The following ZNF888 variants were observed in gnomAD, a reference collection of about 807,000 sequenced individuals.
The protein encoded by ZNF888 is zinc finger protein 888, also known as CTD-2331H12.6.
ZNF888 carries 5 observed loss-of-function variants against 7.2 expected under a neutral mutation model. The ratio of observed to expected loss-of-function variants is 0.70; its 90% confidence interval spans 0.36 to 1.46. The LOEUF is 1.46. ZNF888 is among the 40% of genes most tolerant of loss of function. ZNF888 has a pLI of 0.03. For missense variants in ZNF888, 716 were observed against 858.0 expected (o/e 0.83, Z 2.07); for synonymous variants, 240 against 284.3 (o/e 0.84, Z 1.57).
intron 1 of ZNF888, among the ~76,000 whole-genome samples, chr19:52,920,512 A>G (rs1434710499): frequency 9.4e-5 from 4 of 42,762 alleles, no homozygotes; most frequent in Non-Finnish European, 1.4e-4. Flanking sequence ...AAAAAAAAAA[A>G]AAAAGAAAAA....
At position 52,907,456 on chromosome 19, in the gene ZNF888, T is replaced by C. The variant is rs1303906298; in HGVS notation, c.866A>G (p.Tyr289Cys). ...AGGTTTTTCTCCAGTATGACGTCTA[T>C]AATGACGTGCAAGGTATGCTTTTTT... Reference protein sequence around the residue: ...FNKKAYLARHYRRHTGEKPYK... With the variant: ...FNKKAYLARHCRRHTGEKPYK... Residue 289 changes from tyrosine to cysteine, a missense_variant, in exon 5 of 5, where the codon TAT (tyrosine) becomes TGT (cysteine). Transcript: ENST00000638862. 6.2e-7 allele frequency: 1 copy of C among 1,608,360 alleles called. No individual in the cohort carries two copies. Among genetic ancestry groups the C allele is most frequent in the African/African-American group, 1.3e-5 (1 of 74,656 alleles).
At chr19:52,921,099 G>A (rs560447540) in intron 1 of ZNF888, among the ~76,000 whole-genome samples, 2 of 152,328 alleles carry the variant, frequency 1.3e-5, no homozygotes, top group African/African-American at 4.8e-5. Flanking sequence ...TCTGAAGGAG[G>A]AGAAAGGGAC....
Position 52,906,735 on chromosome 19 carries a change from C to T in ZNF888, c.1587G>A (p.Lys529=), listed in dbSNP as rs984727433. The change falls in exon 5 of 5, where the codon AAG becomes AAA. Residue 529 remains lysine, a synonymous_variant. Transcript: ENST00000638862. The stretch of plus-strand genomic sequence containing the variant: ...CAAGAGATGAATTTTGAACGAAGGT[C>T]TTGCCACACTCATTACACTTGTAAG... ...EKPYKCNECG[K]TFVQNSSLVM... is the part of the protein sequence containing the mutation. 13 of 1,608,110 alleles carry T rather than the reference C, an allele frequency of 8.1e-6. No individual in the cohort carries two copies. Among genetic ancestry groups the T allele is most frequent in the Middle Eastern group, 1.7e-4 (1 of 6,040 alleles).
intron 4 of ZNF888, among the ~76,000 whole-genome samples, chr19:52,911,439 C>A (rs1005467998): frequency 2.6e-5 from 4 of 151,540 alleles, no homozygotes; most frequent in African/African-American, 9.7e-5. Flanking sequence ...CCCGGGTTCA[C>A]GCCATTCTCC....
At chr19:52,911,314 T>A (rs2064674848) in intron 4 of ZNF888, among the ~76,000 whole-genome samples, 1 of 150,836 alleles carries the variant, frequency 6.6e-6, no homozygotes, top group South Asian at 2.1e-4. Flanking sequence ...CAGCCAGCAG[T>A]CTAAGCTATT....
Position 52,921,574 on chromosome 19 carries a change from G to C in ZNF888, c.-178+1795C>G. On this transcript the variant is annotated intron_variant, in intron 1 of 4. Coordinates refer to ENST00000638862, the MANE Select transcript of ZNF888 (RefSeq NM_001393938.1). ...TACCTGGGCTAAAGAAACTTCTTTT[G>C]CAAGGTTCTGATGCCATTAATTCCT... 13 of 810,878 alleles carry C rather than the reference G, an allele frequency of 1.6e-5. No individual in the cohort carries two copies. In the South Asian group the frequency reaches 6.8e-4, roughly 42 times the overall value. The allele number at this position is 810,878 out of a possible 1,614,324, so 50.2% of individuals were successfully genotyped here. A position where few individuals can be genotyped will look rare whatever the true frequency, so the allele number is the denominator to read the frequency against.
In ZNF888 at chr19:52,919,526, C is replaced by T. The variant is rs1421930277; in HGVS notation, c.-177-589G>A. Among the ~76,000 whole-genome samples, 63 of 71,108 alleles carry T rather than the reference C, an allele frequency of 8.9e-4. 23 individuals are homozygous for T. The highest frequency in any genetic ancestry group is 2.5e-3 in the African/African-American group (55 of 22,290). The allele number at this position is 71,108 out of a possible 152,430, so 46.6% of individuals were successfully genotyped here. A position where few individuals can be genotyped will look rare whatever the true frequency, so the allele number is the denominator to read the frequency against. On this transcript the variant is annotated intron_variant, in intron 1 of 4. Transcript: ENST00000638862. Reference sequence around the variant, plus strand: ...CTCGCTACAACCTCCACCTCCCAGCCGCCTGCCTTGGCCCCCCAAAGTGCC... The same window carrying T: ...CTCGCTACAACCTCCACCTCCCAGCTGCCTGCCTTGGCCCCCCAAAGTGCC...
chr19:52,907,575 T>C lies in ZNF888; in HGVS notation c.747A>G (p.Lys249=), dbSNP rs6509702. 416,379 of 1,607,884 alleles carry C rather than the reference T, an allele frequency of 0.26. 65,044 individuals are homozygous for C. Among genetic ancestry groups the C allele is most frequent in the African/African-American group, 0.69 (51,333 of 74,712 alleles). The change falls in exon 5 of 5, where the codon AAA becomes AAG. Residue 249 remains lysine, a synonymous_variant. Coordinates refer to ENST00000638862, the MANE Select transcript of ZNF888 (RefSeq NM_001393938.1). ...CAAGGTATCGCTTCTGATTAAAGTC[T>C]TTGCCACATACATCACATTTATATT... is the stretch of plus-strand genomic sequence containing the variant. The part of the protein sequence containing the change: ...EKQYKCDVCG[K]DFNQKRYLAH...
At chr19:52,912,153 A>T (rs7250296) in intron 4 of ZNF888, among the ~76,000 whole-genome samples, 89,832 of 141,380 alleles carry the variant, frequency 0.64, 28,351 homozygotes, top group Admixed American at 0.72. Context: ...TTGCTCTGTC[A>T]CCCAGGCTGG....
chr19:52,918,071 G>C (rs1365400882), intron 2 of ZNF888, 140 bp from the exon 3 acceptor site: 2 of 1,437,942 alleles, frequency 1.4e-6, no homozygotes, highest in Non-Finnish European at 1.8e-6. Context: ...CACCATACCA[G>C]GGACAATAAA....
At chr19:52,912,483 T>G (rs1281359445) in intron 4 of ZNF888, among the ~76,000 whole-genome samples, 1 of 146,528 alleles carries the variant, frequency 6.8e-6, no homozygotes, top group Non-Finnish European at 1.5e-5. Context: ...CCCAGTATTT[T>G]GGGAGGCTGA....
At chr19:52,922,028 T>C (rs1418196897) in intron 1 of ZNF888, among the ~76,000 whole-genome samples, 1 of 151,994 alleles carries the variant, frequency 6.6e-6, no homozygotes, top group Non-Finnish European at 1.5e-5. Context: ...CAAGAATACA[T>C]AGGTGGCCAG....
Position 52,907,210 on chromosome 19 carries a change from C to G in ZNF888, c.1112G>C (p.Arg371Thr). 1.2e-6 allele frequency: 2 copies of G among 1,612,760 alleles called. No individual in the cohort carries two copies. The highest frequency in any genetic ancestry group is 1.7e-6 in the Non-Finnish European group (2 of 1,179,650). Residue 371 changes from arginine (R) to threonine (T), a missense_variant, in exon 5 of 5, where the codon AGA becomes ACA. This residue lies in a region of ZNF888 where 697 missense variants were observed against 803.4 expected (regional missense o/e 0.87). Coordinates refer to ENST00000638862, the MANE Select transcript of ZNF888 (RefSeq NM_001393938.1). ...CTCACCAGTGTGAATTCTCCTATGT[C>G]TTTCAAGGTATGATTTGCGACTGAA... ...KVFSRKSYLE[R>T]HRRIHTGEKP...
rs954954922 is a variant in ZNF888 at position 52,906,216 on chromosome 19, C to T, written c.2106G>A (p.Gln702=). ...CSECGKAFRA[Q]STLIHHQAIH... Reference sequence around the variant, plus strand: ...TTGCCTGATGGTGAATAAGTGTTGACTGTGCACGAAAGGCTTTGCCACACT... The same window carrying T: ...TTGCCTGATGGTGAATAAGTGTTGATTGTGCACGAAAGGCTTTGCCACACT... Residue 702 remains glutamine, a synonymous_variant, in exon 5 of 5, where the codon CAG becomes CAA. Coordinates refer to ENST00000638862, the MANE Select transcript of ZNF888 (RefSeq NM_001393938.1). 6.2e-7 allele frequency: 1 copy of T among 1,610,258 alleles called. No individual in the cohort carries two copies. The highest frequency in any genetic ancestry group is 1.1e-5 in the South Asian group (1 of 90,490).
intron 4 of ZNF888, among the ~76,000 whole-genome samples, chr19:52,910,034 A>G (rs762953523): frequency 1.3e-5 from 2 of 151,178 alleles, no homozygotes; most frequent in Non-Finnish European, 2.9e-5. Context: ...TGTAATCCCC[A>G]CTACTTGGGG....
intron 4 of ZNF888, among the ~76,000 whole-genome samples, chr19:52,911,626 C>T (rs1037977444): frequency 6.6e-6 from 1 of 152,000 alleles, no homozygotes; most frequent in African/African-American, 2.4e-5. Flanking sequence ...GCGTGAGCCA[C>T]CGTGCCCAGC....
At chr19:52,919,975 T>C (rs1298647922) in intron 1 of ZNF888, among the ~76,000 whole-genome samples, 9 of 49,290 alleles carry the variant, frequency 1.8e-4, no homozygotes, top group South Asian at 6.0e-4. Flanking sequence ...AGCCGCCCCG[T>C]CCGGGAGGTG....
Position 52,905,161 on chromosome 19 carries a change from A to G in ZNF888, c.*1004T>C, listed in dbSNP as rs2064592175. 6.6e-6 allele frequency: 1 copy of G among 152,178 alleles called. No homozygotes were observed. Among genetic ancestry groups the G allele is most frequent in the Non-Finnish European group, 1.5e-5 (1 of 68,070 alleles). 9.4% of individuals were successfully genotyped at this position (152,178 alleles called of 1,614,324 possible). A position where few individuals can be genotyped will look rare whatever the true frequency, so the allele number is the denominator to read the frequency against. Reference sequence around the variant, plus strand: ...CAATGTGATTTAGATTCAACACGGTACCCATAAAAATGCCTATCAGTTGAC... The same window carrying G: ...CAATGTGATTTAGATTCAACACGGTGCCCATAAAAATGCCTATCAGTTGAC... On this transcript the variant is annotated 3_prime_UTR_variant, in exon 5 of 5. Coordinates refer to ENST00000638862, the MANE Select transcript of ZNF888 (RefSeq NM_001393938.1).
At chr19:52,911,067 CG>C (rs1423504561) in intron 4 of ZNF888, among the ~76,000 whole-genome samples, 1 of 152,136 alleles carries the variant, frequency 6.6e-6, no homozygotes, top group Non-Finnish European at 1.5e-5. Flanking sequence ...TTAGTAGACA[CG>C]GGATTTCACC....
Sources: allele counts gnomAD v4.1 joint callset (sites outside exome capture counted in the v4.1 genomes callset), GRCh38; gene constraint gnomAD v4.1.1; regional missense constraint gnomAD v4.1.1; transcripts MANE v1.5; gene names NCBI Gene and HGNC (gene_info 2026-07-23, HGNC 2026-07-21).